Variants in SUSD6 observed in about 807,000 individuals in gnomAD.
SUSD6 encodes the protein sushi domain containing 6.
Under a neutral mutation model 28.4 loss-of-function variants are expected in SUSD6, and 16 were observed. The observed-to-expected ratio is 0.56, with a 90% CI of 0.38 to 0.86. SUSD6 has a LOEUF of 0.86. Among genes scored for constraint, SUSD6 ranks in the 40% least tolerant of loss-of-function variants. SUSD6 has a pLI of 0.00. For synonymous variants in SUSD6, 147 were observed against 159.6 expected, an observed-to-expected ratio of 0.92 and a Z score of 0.59; for missense variants, 341 against 384.2, an observed-to-expected ratio of 0.89 and a Z score of 0.94.
At position 69,632,701 on chromosome 14, in the gene SUSD6, AC is replaced by A. The variant is rs1885213433; in HGVS notation, c.-81+20878del. Among the ~76,000 whole-genome samples the A allele has an allele frequency of 4.6e-5, 7 of 152,012 alleles. No homozygotes were observed. The South Asian group carries it at 1.5e-3, about 32-fold the overall frequency. On this transcript the variant is annotated intron_variant, in intron 1 of 5. Transcript: ENST00000342745. ...GCAGATGGGAAGGATGAAATGTGTAACCCCCGTTCCCAGAAACAGGCAGAAT... is the reference window on the plus strand; with the variant it reads ...GCAGATGGGAAGGATGAAATGTGTAACCCCGTTCCCAGAAACAGGCAGAAT...
chr14:69,695,747 G>A (rs1566605951), intron 2 of SUSD6, among the ~76,000 whole-genome samples: 4 of 152,174 alleles, frequency 2.6e-5, no homozygotes. Flanking sequence ...GCTCATCTGT[G>A]TAATGCATTG....
chr14:69,646,933 C>T (rs1885436577), intron 1 of SUSD6, among the ~76,000 whole-genome samples: 2 of 152,088 alleles, frequency 1.3e-5, no homozygotes, highest in African/African-American at 4.8e-5. Context: ...GAACTCCTGA[C>T]CTCGTGATCC....
chr14:69,688,626 C>T (rs1886109520), intron 2 of SUSD6, among the ~76,000 whole-genome samples: 1 of 152,202 alleles, frequency 6.6e-6, no homozygotes, highest in Admixed American at 6.5e-5. Context: ...TGTCCCCTCT[C>T]ACCTAGGCAA....
chr14:69,612,235 G>GC (rs1266335506), intron 1 of SUSD6, among the ~76,000 whole-genome samples: 2 of 152,124 alleles, frequency 1.3e-5, no homozygotes, highest in Non-Finnish European at 2.9e-5. Context: ...TGTCATTACT[G>GC]CCCTCAGCCC....
At chr14:69,663,473 G>T (rs1885692398) in intron 2 of SUSD6, among the ~76,000 whole-genome samples, 2 of 152,244 alleles carry the variant, frequency 1.3e-5, no homozygotes, top group South Asian at 4.1e-4. Flanking sequence ...GTAGCAGAGA[G>T]ATGTTGGCAG....
At chr14:69,699,529 A>C (rs1387747914) in intron 2 of SUSD6, among the ~76,000 whole-genome samples, 1 of 149,818 alleles carries the variant, frequency 6.7e-6, no homozygotes, top group Non-Finnish European at 1.5e-5. Flanking sequence ...AGTGTCTTAA[A>C]ATGACTTGCC....
chr14:69,647,743 G>C (rs1042488056), intron 1 of SUSD6, among the ~76,000 whole-genome samples: 1 of 152,192 alleles, frequency 6.6e-6, no homozygotes, highest in South Asian at 2.1e-4. Flanking sequence ...CCAGCACTTC[G>C]GGAGGCCAAG....
At chr14:69,676,384 T>C (rs1885909531) in intron 2 of SUSD6, among the ~76,000 whole-genome samples, 1 of 151,446 alleles carries the variant, frequency 6.6e-6, no homozygotes, top group Non-Finnish European at 1.5e-5. Flanking sequence ...TTTTCTTTTT[T>C]TTTTTTTCCT....
At chr14:69,648,465 A>G (rs934752561) in intron 1 of SUSD6, among the ~76,000 whole-genome samples, 6 of 152,208 alleles carry the variant, frequency 3.9e-5, no homozygotes, top group African/African-American at 9.6e-5. Flanking sequence ...CTTATTTCTC[A>G]CTATCCTTTT....
At chr14:69,632,364 C>T (rs1237226548) in intron 1 of SUSD6, among the ~76,000 whole-genome samples, 1 of 152,136 alleles carries the variant, frequency 6.6e-6, no homozygotes, top group East Asian at 1.9e-4. Flanking sequence ...TTCTCTGTCT[C>T]ATCCCTCCTC....
At position 69,713,567 on chromosome 14, in the gene SUSD6, C is replaced by T. The variant is rs1455312012; in HGVS notation, c.*2588C>T. On this transcript the variant is annotated 3_prime_UTR_variant, in exon 6 of 6. Coordinates refer to ENST00000342745, the MANE Select transcript of SUSD6 (RefSeq NM_014734.4). ...ATTTCTAGGGCTTCTGGGCTTTGTC[C>T]CTTACTGAGAGATTAGGGACTCCAC... 1 of 152,198 alleles carries T rather than the reference C, an allele frequency of 6.6e-6. No individual in the cohort carries two copies. Among genetic ancestry groups the T allele is most frequent in the Non-Finnish European group, 1.5e-5 (1 of 68,072 alleles). 9.4% of individuals were successfully genotyped at this position (152,198 alleles called of 1,614,324 possible).
At chr14:69,701,844 A>C (rs1407633506) in intron 2 of SUSD6, among the ~76,000 whole-genome samples, 1 of 152,190 alleles carries the variant, frequency 6.6e-6, no homozygotes, top group Non-Finnish European at 1.5e-5. Flanking sequence ...CACCTAAAAA[A>C]AGAAAAGAAA....
At chr14:69,681,986 A>G (rs1886003439) in intron 2 of SUSD6, among the ~76,000 whole-genome samples, 1 of 152,180 alleles carries the variant, frequency 6.6e-6, no homozygotes, top group Admixed American at 6.5e-5. Flanking sequence ...TTGTCTTGTT[A>G]CTTGAAGAGT....
intron 1 of SUSD6, among the ~76,000 whole-genome samples, chr14:69,644,300 T>C (rs1231726273): frequency 6.6e-6 from 1 of 152,244 alleles, no homozygotes; most frequent in East Asian, 1.9e-4. Flanking sequence ...TTCTTCTTCA[T>C]CTTCTCTGTG....
intron 4 of SUSD6, among the ~76,000 whole-genome samples, chr14:69,706,093 T>C (rs1353085896): frequency 1.3e-5 from 2 of 152,224 alleles, no homozygotes; most frequent in Non-Finnish European, 2.9e-5. Flanking sequence ...CTCTGTGTAC[T>C]ATGTGTGATT....
chr14:69,629,697 A>C (rs1204155402), intron 1 of SUSD6, among the ~76,000 whole-genome samples: 2 of 152,172 alleles, frequency 1.3e-5, no homozygotes, highest in Admixed American at 6.5e-5. Context: ...AGGAATGATG[A>C]TTCTGTTTTG....
At chr14:69,708,606 T>C in intron 4 of SUSD6, 71 bp from the exon 5 acceptor site, 3 of 1,312,388 alleles carry the variant, frequency 2.3e-6, no homozygotes, top group Non-Finnish European at 3.1e-6. Flanking sequence ...CGGCTGCTAT[T>C]ATTATTATCA....
intron 2 of SUSD6, among the ~76,000 whole-genome samples, chr14:69,674,477 G>A (rs767219613): frequency 7.2e-5 from 11 of 152,030 alleles, no homozygotes; most frequent in Non-Finnish European, 1.3e-4. Context: ...TAGCATGTAC[G>A]TCGAGTGCTT....
chr14:69,672,508 G>T (rs1401796869), intron 2 of SUSD6, among the ~76,000 whole-genome samples: 2 of 152,182 alleles, frequency 1.3e-5, no homozygotes, highest in African/African-American at 4.8e-5. Context: ...CAGAGAGGGG[G>T]CTGGCAGATT....
Sources: gnomAD v4.1 joint callset for allele counts (sites outside exome capture counted in the v4.1 genomes callset) on GRCh38, gnomAD v4.1.1 for gene constraint, MANE v1.5 for transcripts, NCBI Gene and HGNC (gene_info 2026-07-23, HGNC 2026-07-21) for gene names.